Variants in SMPD3 observed in about 807,000 individuals in gnomAD.
The protein encoded by SMPD3 is nSMase-2.
Under a neutral mutation model 55.7 loss-of-function variants are expected in SMPD3, and 21 were observed. The observed-to-expected ratio is 0.38, with a 90% CI of 0.27 to 0.54. The LOEUF (loss-of-function observed/expected upper bound fraction) is 0.54. Ranked by LOEUF, SMPD3 falls within the 20% of genes least tolerant of loss-of-function variation. The pLI is 0.80. For synonymous variants in SMPD3, 457 were observed against 404.3 expected, an observed-to-expected ratio of 1.13 and a Z score of -1.56; for missense variants, 842 against 899.6, an observed-to-expected ratio of 0.94 and a Z score of 0.82.
intron 1 of SMPD3, among the ~76,000 whole-genome samples, chr16:68,405,475 T>G (rs753462302): frequency 2.1e-5 from 3 of 145,912 alleles, no homozygotes; most frequent in Non-Finnish European, 1.5e-5. Flanking sequence ...GCCCTAGGGG[T>G]TGAGGCTGCA....
rs2090225394 is a variant in SMPD3 at position 68,403,076 on chromosome 16, T to A, written c.-268-16417A>T. On this transcript the variant is annotated intron_variant, in intron 1 of 8. Transcript: ENST00000219334. ...GGCCTTTGTTCCTACAGTAACGCTC[T>A]GATTTTAGATGTGATGTGGCTCCCT... 2.6e-5 allele frequency among the ~76,000 whole-genome samples: 4 copies of A among 152,244 alleles called. 1 individual carries two copies. The South Asian group carries it at 6.2e-4, about 24-fold the overall frequency.
intron 1 of SMPD3, among the ~76,000 whole-genome samples, chr16:68,411,629 G>A (rs1380396924): frequency 6.6e-6 from 1 of 152,172 alleles, no homozygotes; most frequent in South Asian, 2.1e-4. Context: ...TCAAAGATGA[G>A]GCCTACACCC....
At chr16:68,414,722 C>T (rs537159092) in intron 1 of SMPD3, among the ~76,000 whole-genome samples, 3 of 152,244 alleles carry the variant, frequency 2.0e-5, no homozygotes, top group Non-Finnish European at 4.4e-5. Context: ...GCAGCCAGAT[C>T]CTGCAGACAT....
intron 1 of SMPD3, among the ~76,000 whole-genome samples, chr16:68,403,779 G>T (rs936682414): frequency 6.6e-6 from 1 of 152,172 alleles, no homozygotes; most frequent in Non-Finnish European, 1.5e-5. Context: ...CCAGGGCTGG[G>T]CCTCATGCGT....
At chr16:68,405,395 A>T (rs1329140386) in intron 1 of SMPD3, among the ~76,000 whole-genome samples, 1 of 151,646 alleles carries the variant, frequency 6.6e-6, no homozygotes, top group East Asian at 1.9e-4. Flanking sequence ...TACAAAAAAT[A>T]CAAAAATTAG....
At chr16:68,443,915 G>A (rs935120034) in intron 1 of SMPD3, among the ~76,000 whole-genome samples, 1 of 152,148 alleles carries the variant, frequency 6.6e-6, no homozygotes, top group Non-Finnish European at 1.5e-5. Flanking sequence ...GTGTAACCTT[G>A]GGAAAGCCCT....
At position 68,419,725 on chromosome 16, in the gene SMPD3, C is replaced by T. The variant is rs2090374056; in HGVS notation, c.-269+28628G>A. ...CCCCAGGGCCCAGCTTCCATGAACCCCATGTAATGATGATGATGAAGATGA... is the reference window on the plus strand; with the variant it reads ...CCCCAGGGCCCAGCTTCCATGAACCTCATGTAATGATGATGATGAAGATGA... On this transcript the variant is annotated intron_variant, in intron 1 of 8. Coordinates refer to ENST00000219334, the MANE Select transcript of SMPD3 (RefSeq NM_018667.4). Among the ~76,000 whole-genome samples, 3 of 152,184 alleles carry T rather than the reference C, an allele frequency of 2.0e-5. No individual in the cohort carries two copies. The South Asian group carries it at 6.2e-4, about 32-fold the overall frequency.
chr16:68,371,873 C>A lies in SMPD3; in HGVS notation c.309G>T (p.Lys103Asn). 6.2e-7 allele frequency: 1 copy of A among 1,608,332 alleles called. No individual in the cohort carries two copies. ...GCAGGGCTGCCCCACCGGCCAGGCC[C>A]TTGTCTTCCAGCCGTGAATAGATGT... ...RPYIYSRLEDKGLAGGAALLS... is the reference protein window; with the variant it reads ...RPYIYSRLEDNGLAGGAALLS... Residue 103 changes from lysine to asparagine, a missense_variant, in exon 3 of 9, where the codon AAG (lysine) becomes AAT (asparagine). Physicochemically the swap from Lys to Asn is moderately conservative, Grantham distance 94. Coordinates refer to ENST00000219334, the MANE Select transcript of SMPD3 (RefSeq NM_018667.4).
intron 1 of SMPD3, among the ~76,000 whole-genome samples, chr16:68,430,746 G>A (rs1368296019): frequency 6.6e-6 from 1 of 152,154 alleles, no homozygotes; most frequent in Non-Finnish European, 1.5e-5. Flanking sequence ...ATACTGTTTG[G>A]CCTTCCTCTT....
chr16:68,388,056 T>C (rs1398679706), intron 1 of SMPD3, among the ~76,000 whole-genome samples: 1 of 152,104 alleles, frequency 6.6e-6, no homozygotes, highest in African/African-American at 2.4e-5. Context: ...CTCTGTAACA[T>C]TAGGGGCCAC....
intron 1 of SMPD3, among the ~76,000 whole-genome samples, chr16:68,419,647 C>T (rs2090373081): frequency 6.6e-6 from 1 of 152,200 alleles, no homozygotes; most frequent in Non-Finnish European, 1.5e-5. Flanking sequence ...AACTTTCCTC[C>T]CTTCCTATGG....
chr16:68,410,061 G>A (rs923545033), intron 1 of SMPD3, among the ~76,000 whole-genome samples: 1 of 152,204 alleles, frequency 6.6e-6, no homozygotes. Flanking sequence ...GCAGAGATAA[G>A]ACCTGCCTGT....
At chr16:68,405,117 G>C (rs775498662) in intron 1 of SMPD3, among the ~76,000 whole-genome samples, 2 of 152,170 alleles carry the variant, frequency 1.3e-5, no homozygotes, top group Non-Finnish European at 2.9e-5. Context: ...TACTAGCAGA[G>C]TTTTTTCCCC....
At chr16:68,373,488 G>A (rs895459902) in intron 2 of SMPD3, among the ~76,000 whole-genome samples, 2 of 152,214 alleles carry the variant, frequency 1.3e-5, no homozygotes, top group South Asian at 2.1e-4. Context: ...CTGTCTTGCT[G>A]ACTCAGCCCA....
At chr16:68,395,708 T>TA (rs1295192224) in intron 1 of SMPD3, among the ~76,000 whole-genome samples, 1 of 152,182 alleles carries the variant, frequency 6.6e-6, no homozygotes, top group Non-Finnish European at 1.5e-5. Context: ...TAAACTGTCT[T>TA]AAAAAAATAC....
intron 1 of SMPD3, among the ~76,000 whole-genome samples, chr16:68,430,513 G>T (rs1386250485): frequency 6.6e-6 from 1 of 152,178 alleles, no homozygotes; most frequent in Non-Finnish European, 1.5e-5. Flanking sequence ...ATGGACTCTA[G>T]CTGACCCATC....
At chr16:68,414,922 G>A (rs2090328105) in intron 1 of SMPD3, among the ~76,000 whole-genome samples, 1 of 152,190 alleles carries the variant, frequency 6.6e-6, no homozygotes, top group Non-Finnish European at 1.5e-5. Context: ...GACAGTGAGA[G>A]GGAGTGGGCC....
At chr16:68,405,040 C>A (rs906290405) in intron 1 of SMPD3, among the ~76,000 whole-genome samples, 1 of 152,182 alleles carries the variant, frequency 6.6e-6, no homozygotes, top group East Asian at 1.9e-4. Flanking sequence ...ACCTTTGGGG[C>A]CTTATCATTT....
intron 1 of SMPD3, among the ~76,000 whole-genome samples, chr16:68,441,429 TAA>T (rs911661525): frequency 1.3e-5 from 2 of 152,352 alleles, no homozygotes; most frequent in African/African-American, 4.8e-5. Flanking sequence ...ATGTGAGTTA[TAA>T]ATGCAAGCCA....
Sources: allele counts gnomAD v4.1 joint callset (sites outside exome capture counted in the v4.1 genomes callset), GRCh38; gene constraint gnomAD v4.1.1; transcripts MANE v1.5; gene names NCBI Gene and HGNC (gene_info 2026-07-23, HGNC 2026-07-21).